Variants in GNPTAB observed in about 807,000 individuals in gnomAD.
GNPTAB encodes the protein N-acetylglucosamine-1-phosphotransferase subunits alpha/beta.
A neutral mutation model predicts 136.6 loss-of-function variants in GNPTAB; 92 were observed. The observed-to-expected ratio is 0.67, with a 90% CI of 0.57 to 0.80. The LOEUF is 0.80. GNPTAB is among the 30% of genes least tolerant of loss of function. The pLI, the probability that GNPTAB is intolerant of heterozygous loss-of-function variation, is 0.00. For missense variants in GNPTAB, 1,343 were observed against 1,501.8 expected, an observed-to-expected ratio of 0.89 and a Z score of 1.75; for synonymous variants, 512 against 535.1, an observed-to-expected ratio of 0.96 and a Z score of 0.60.
At chr12:101,796,502 C>CT (rs371856548) in intron 2 of GNPTAB, 175 bp downstream of exon 2, 19 of 616,860 alleles carry the variant, frequency 3.1e-5, no homozygotes, top group Non-Finnish European at 4.6e-5. Flanking sequence ...TTTTTTTTTC[C>CT]TTTTTTTTAG....
chr12:101,812,317 G>A (rs914961987), intron 1 of GNPTAB, among the ~76,000 whole-genome samples: 2 of 152,042 alleles, frequency 1.3e-5, no homozygotes, highest in African/African-American at 4.8e-5. Flanking sequence ...AAGAGCAAGG[G>A]GGAAGTCCCC....
rs201731771 is a variant in GNPTAB, at chr12:101,758,359, T to C, written c.3250-702A>G. On this transcript the variant is annotated intron_variant, in intron 16 of 20. Transcript: ENST00000299314. ...CGGCCAATTTTTGTATTTTTTAGTA[T>C]AGAAGGGGTTTCACCATGTTGGCCA... is the stretch of plus-strand genomic sequence containing the variant. Among the ~76,000 whole-genome samples the C allele has an allele frequency of 6.0e-4, 91 of 151,562 alleles. 2 individuals are homozygous for C. The highest frequency in any genetic ancestry group is 4.5e-3 in the Admixed American group (68 of 15,244).
chr12:101,794,595 T>C (rs1869177494), intron 2 of GNPTAB, among the ~76,000 whole-genome samples: 1 of 152,236 alleles, frequency 6.6e-6, no homozygotes, highest in African/African-American at 2.4e-5. Context: ...TGAAATGTTA[T>C]ATATGATCCA....
intron 18 of GNPTAB, among the ~76,000 whole-genome samples, chr12:101,755,498 A>G (rs2137104390): frequency 6.6e-6 from 1 of 152,344 alleles, no homozygotes; most frequent in African/African-American, 2.4e-5. Flanking sequence ...AACTGGGGAA[A>G]TGCTGAAGAC....
intron 3 of GNPTAB, among the ~76,000 whole-genome samples, chr12:101,789,055 T>C (rs901320544): frequency 6.6e-6 from 1 of 152,222 alleles, no homozygotes; most frequent in African/African-American, 2.4e-5. Context: ...TTTACTGCCG[T>C]TTTCAAATGG....
Position 101,765,002 on chromosome 12 carries a change from G to T in GNPTAB, c.1915C>A (p.Pro639Thr). 1.9e-6 allele frequency: 3 copies of T among 1,614,100 alleles called. No homozygotes were observed. The highest frequency in any genetic ancestry group is 2.5e-6 in the Non-Finnish European group (3 of 1,180,000). The change falls in exon 13 of 21, where the codon CCA becomes ACA. Residue 639 changes from proline (P) to threonine (T), a missense_variant. By Grantham distance (38) the Pro-to-Thr change is conservative. Coordinates refer to ENST00000299314, the MANE Select transcript of GNPTAB (RefSeq NM_024312.5). ...ITVEVDTREGPKLNSTAQKGY... is the reference protein window; with the variant it reads ...ITVEVDTREGTKLNSTAQKGY... Reference sequence around the variant, plus strand: ...TTCTGGGCTGTAGAATTCAGTTTTGGTCCCTCCCTTGTGTCCACCTCCACT... The same window carrying T: ...TTCTGGGCTGTAGAATTCAGTTTTGTTCCCTCCCTTGTGTCCACCTCCACT...
intron 5 of GNPTAB, among the ~76,000 whole-genome samples, chr12:101,782,010 C>T (rs1344981908): frequency 6.6e-6 from 1 of 152,194 alleles, no homozygotes; most frequent in Non-Finnish European, 1.5e-5. Context: ...CCGCAATCAA[C>T]CTAGAGGGAG....
intron 20 of GNPTAB, among the ~76,000 whole-genome samples, chr12:101,747,496 G>A (rs1262494523): frequency 6.6e-6 from 1 of 152,152 alleles, no homozygotes; most frequent in Non-Finnish European, 1.5e-5. Flanking sequence ...TTCGGCCCAT[G>A]CTTCATTTTT....
chr12:101,830,951 G>GGCGGCT lies in GNPTAB; in HGVS notation c.-282_-277dup, dbSNP rs1162716732. 15 of 149,858 alleles carry GGCGGCT rather than the reference G, an allele frequency of 1.0e-4. No homozygotes were observed. In the Middle Eastern group the frequency reaches 0.014, roughly 137 times the overall value. The allele number at this position is 149,858 out of a possible 1,614,324, so 9.3% of individuals were successfully genotyped here. On this transcript the variant is annotated 5_prime_UTR_variant, in exon 1 of 21. Transcript: ENST00000299314. ...GCCGCCCGGGTCTGGCCGGGCGAGA[G>GGCGGCT]GCGGCTGCGGCGGCGGCGGGGTCTC...
intron 18 of GNPTAB, among the ~76,000 whole-genome samples, chr12:101,755,114 A>C (rs886581874): frequency 1.3e-5 from 2 of 152,154 alleles, no homozygotes; most frequent in African/African-American, 4.8e-5. Flanking sequence ...ATTTTTAAGA[A>C]TCTTTATATT....
At chr12:101,749,715 G>GT (rs1320922665) in intron 19 of GNPTAB, among the ~76,000 whole-genome samples, 1 of 152,260 alleles carries the variant, frequency 6.6e-6, no homozygotes, top group Non-Finnish European at 1.5e-5. Context: ...GGCATTTCCT[G>GT]TAAGCCTTGA....
intron 1 of GNPTAB, among the ~76,000 whole-genome samples, chr12:101,818,513 G>C (rs1364419657): frequency 1.3e-5 from 2 of 151,918 alleles, no homozygotes; most frequent in East Asian, 3.9e-4. Flanking sequence ...AAGTAGCTGG[G>C]ATTACGGGCA....
rs1392407580 is a variant in GNPTAB at position 101,762,419 on chromosome 12, G to A, written c.2716-656C>T. On this transcript the variant is annotated intron_variant, in intron 13 of 20. Transcript: ENST00000299314. ...TGTATACTGTTTGTGGAAATATGAAGTGGTGCAACATTTCAGAAAGACATA... is the reference window on the plus strand; with the variant it reads ...TGTATACTGTTTGTGGAAATATGAAATGGTGCAACATTTCAGAAAGACATA... Among the ~76,000 whole-genome samples, 7 of 152,296 alleles carry A rather than the reference G, an allele frequency of 4.6e-5. No individual in the cohort carries two copies. In the East Asian group the frequency reaches 7.7e-4, roughly 17 times the overall value.
intron 2 of GNPTAB, among the ~76,000 whole-genome samples, chr12:101,794,461 C>T (rs1869167345): frequency 6.6e-6 from 1 of 151,458 alleles, no homozygotes; most frequent in Admixed American, 6.6e-5. Flanking sequence ...CCAGCCTGGG[C>T]AATACAGCAA....
chr12:101,778,498 C>T (rs370902699), intron 7 of GNPTAB: 6 of 152,246 alleles, frequency 3.9e-5, no homozygotes, highest in Admixed American at 3.9e-4. Context: ...CAAATCAGTA[C>T]TAAAAATAAC....
intron 1 of GNPTAB, among the ~76,000 whole-genome samples, chr12:101,799,173 A>G (rs1419526800): frequency 6.6e-6 from 1 of 152,212 alleles, no homozygotes; most frequent in African/African-American, 2.4e-5. Flanking sequence ...GAATTGCTAT[A>G]AGAAACACAT....
At position 101,830,640 on chromosome 12, in the gene GNPTAB, G is replaced by T. The variant is rs2137197796; in HGVS notation, c.36C>A (p.Thr12=). The change falls in exon 1 of 21, where the codon ACC becomes ACA. Residue 12 remains threonine (T), a synonymous_variant. Transcript: ENST00000299314. Reference sequence around the variant, plus strand: ...AGAGCCCATACCTGTGGGACAGGCAGGTATAGGTCTGTCTCTGCAGGAGCT... The same window carrying T: ...AGAGCCCATACCTGTGGGACAGGCATGTATAGGTCTGTCTCTGCAGGAGCT... ...LFKLLQRQTY[T]CLSHRYGLYV... 2.5e-6 allele frequency: 4 copies of T among 1,611,596 alleles called. No homozygotes were observed. The highest frequency in any genetic ancestry group is 8.5e-7 in the Non-Finnish European group (1 of 1,178,050).
At chr12:101,778,055 T>G (rs1020618830) in intron 7 of GNPTAB, among the ~76,000 whole-genome samples, 3 of 152,168 alleles carry the variant, frequency 2.0e-5, no homozygotes, top group African/African-American at 7.2e-5. Flanking sequence ...CCTGCTGGTT[T>G]TCCTTGTTCA....
At chr12:101,802,410 G>A (rs1032427881) in intron 1 of GNPTAB, among the ~76,000 whole-genome samples, 2 of 152,196 alleles carry the variant, frequency 1.3e-5, no homozygotes, top group East Asian at 3.9e-4. Context: ...TAGTAACTTA[G>A]GGTTATCAGC....
Sources: allele counts gnomAD v4.1 joint callset (sites outside exome capture counted in the v4.1 genomes callset), GRCh38; gene constraint gnomAD v4.1.1; transcripts MANE v1.5; gene names NCBI Gene and HGNC (gene_info 2026-07-23, HGNC 2026-07-21).